TBC1D21: variants seen among roughly 807,000 people sequenced by gnomAD.
TBC1D21 encodes the protein TBC1 domain family member 21.
A neutral mutation model predicts 46.0 loss-of-function variants in TBC1D21; 38 were observed. The ratio of observed to expected loss-of-function variants is 0.83; its 90% CI spans 0.64 to 1.08. The LOEUF (loss-of-function observed/expected upper bound fraction) is 1.08. TBC1D21 is among the 50% of genes least tolerant of loss of function. TBC1D21 has a pLI of 0.00. For synonymous variants in TBC1D21, 151 were observed against 157.2 expected, an observed-to-expected ratio of 0.96 and a Z score of 0.29; for missense variants, 415 against 417.9, an observed-to-expected ratio of 0.99 and a Z score of 0.06.
At chr15:73,878,799 A>T (rs2068105294) in intron 1 of TBC1D21, among the ~76,000 whole-genome samples, 1 of 152,224 alleles carries the variant, frequency 6.6e-6, no homozygotes, top group Admixed American at 6.5e-5. Context: ...CTAAAGTTAA[A>T]GCATTTCCTT....
At position 73,873,765 on chromosome 15, in the gene TBC1D21, T is replaced by C. The variant is rs781101157; in HGVS notation, c.56T>C (p.Ile19Thr). ...SLSARQSASF[I>T]LVKRKPPIDK... ...TCTGCCAGACAGTCAGCCTCCTTCATCCTGGTGCGTGTTCTTTGTCAGCTC... is the reference window on the plus strand; with the variant it reads ...TCTGCCAGACAGTCAGCCTCCTTCACCCTGGTGCGTGTTCTTTGTCAGCTC... The change falls in exon 1 of 11, where the codon ATC becomes ACC. Residue 19 changes from isoleucine to threonine, a missense_variant. By Grantham distance (89) the Ile-to-Thr change is moderately conservative. Coordinates refer to ENST00000300504, the MANE Select transcript of TBC1D21 (RefSeq NM_153356.3). 3 of 1,609,978 alleles carry C rather than the reference T, an allele frequency of 1.9e-6. No homozygotes were observed. In the South Asian group the frequency reaches 3.3e-5, roughly 18 times the overall value.
Position 73,887,802 on chromosome 15 carries a change from A to T in TBC1D21, c.894+66A>T. On this transcript the variant is annotated intron_variant, in intron 9 of 10. Transcript: ENST00000300504. ...AGGCCCTGACACCCCACCCCACCCC[A>T]GCTGAAAGACCGGGGTTCATGGGGT... The T allele has an allele frequency of 9.4e-6, 13 of 1,390,024 alleles. 1 individual carries two copies. The South Asian group carries it at 1.5e-4, about 16-fold the overall frequency. The allele number at this position is 1,390,024 out of a possible 1,614,324, so 86.1% of individuals were successfully genotyped here. A position where few individuals can be genotyped will look rare whatever the true frequency, so the allele number is the denominator to read the frequency against.
At chr15:73,894,977 G>A in the TBC1D21 span, among the ~76,000 whole-genome samples, 1 of 152,236 alleles carries the variant, frequency 6.6e-6, no homozygotes, top group East Asian at 1.9e-4. Flanking sequence ...CAGAAATGAA[G>A]GAGGCTGGTG....
At chr15:73,879,532 A>G (rs980802394) in intron 1 of TBC1D21, among the ~76,000 whole-genome samples, 2 of 151,828 alleles carry the variant, frequency 1.3e-5, no homozygotes, top group Non-Finnish European at 2.9e-5. Flanking sequence ...TTGCCTTCTA[A>G]TACTTTACTA....
chr15:73,899,354 G>A, the TBC1D21 span, among the ~76,000 whole-genome samples: 1 of 152,276 alleles, frequency 6.6e-6, no homozygotes, highest in Non-Finnish European at 1.5e-5. Context: ...TCCCTCTAGA[G>A]GACAGAAGAA....
chr15:73,888,549 TTCCTCC>T (rs750420173), intron 10 of TBC1D21, 36 bp downstream of exon 10: 4 of 1,321,030 alleles, frequency 3.0e-6, no homozygotes, highest in Non-Finnish European at 4.0e-6. Flanking sequence ...CCTCCTCCTC[TTCCTCC>T]TCCTCCTCTT....
Position 73,886,155 on chromosome 15 carries a change from C to T in TBC1D21, c.657C>T (p.Pro219=), listed in dbSNP as rs150883737. The T allele has an allele frequency of 2.7e-5, 44 of 1,614,070 alleles. No individual in the cohort carries two copies. The African/African-American group carries it at 3.7e-4, about 14-fold the overall frequency. Residue 219 remains proline (P), a synonymous_variant, in exon 7 of 11, where the codon CCC becomes CCT. Coordinates refer to ENST00000300504, the MANE Select transcript of TBC1D21 (RefSeq NM_153356.3). ...GCACCCTGATCACCTTCCTGGACCC[C>T]GTGTTTGCTGAGCACCTAAGTGAGT... is the stretch of plus-strand genomic sequence containing the variant. ...MLSTLITFLD[P]VFAEHLKGKG... is the part of the protein sequence containing the mutation.
chr15:73,879,388 GT>G (rs566138315), intron 1 of TBC1D21, among the ~76,000 whole-genome samples: 5 of 150,612 alleles, frequency 3.3e-5, no homozygotes, highest in African/African-American at 9.8e-5. Flanking sequence ...TTTGTTTTTT[GT>G]TTTTTTTTAG....
the TBC1D21 span, among the ~76,000 whole-genome samples, chr15:73,909,346 G>A: frequency 6.7e-6 from 1 of 149,782 alleles, no homozygotes; most frequent in Middle Eastern, 3.4e-3. Flanking sequence ...ACTCCAGCCT[G>A]GGCGACACAG....
the TBC1D21 span, among the ~76,000 whole-genome samples, chr15:73,904,886 T>C: frequency 6.6e-6 from 1 of 150,872 alleles, no homozygotes; most frequent in South Asian, 2.1e-4. Flanking sequence ...GAAGACAGAG[T>C]GAGACAGCAA....
chr15:73,885,108 G>C lies in TBC1D21; in HGVS notation c.579+5G>C. 1.2e-6 allele frequency: 2 copies of C among 1,611,126 alleles called. No individual in the cohort carries two copies. Among genetic ancestry groups the C allele is most frequent in the Non-Finnish European group, 1.7e-6 (2 of 1,179,802 alleles). ...CAGTTCTTCCTGCAGAAAACGGTGA[G>C]GGCAAGGCCTGAGCTCAGGGACGCC... On this transcript the variant is annotated splice_donor_5th_base_variant and intron_variant, in intron 6 of 10. Coordinates refer to ENST00000300504, the MANE Select transcript of TBC1D21 (RefSeq NM_153356.3).
At chr15:73,886,890 G>A (rs908323052) in intron 8 of TBC1D21, among the ~76,000 whole-genome samples, 4 of 152,190 alleles carry the variant, frequency 2.6e-5, no homozygotes, top group African/African-American at 9.7e-5. Context: ...GCCTGGGCCT[G>A]CAGCTCCACT....
chr15:73,877,837 G>A (rs1340710790), intron 1 of TBC1D21, among the ~76,000 whole-genome samples: 1 of 152,198 alleles, frequency 6.6e-6, no homozygotes, highest in African/African-American at 2.4e-5. Flanking sequence ...TTCAACAGAT[G>A]CAGAACATTA....
intron 3 of TBC1D21, 106 bp downstream of exon 3, chr15:73,881,853 C>T (rs138487479): frequency 5.8e-5 from 59 of 1,016,250 alleles, no homozygotes; most frequent in Non-Finnish European, 7.4e-5. Flanking sequence ...CTTCTTATTC[C>T]GAGAGGAACC....
At chr15:73,891,279 G>A (rs1263455226), downstream of TBC1D21, among the ~76,000 whole-genome samples, 1 of 152,222 alleles carries the variant, frequency 6.6e-6, no homozygotes, top group East Asian at 1.9e-4. Context: ...ACTACAGGAA[G>A]CATTGAAATC....
chr15:73,900,498 T>A, the TBC1D21 span, among the ~76,000 whole-genome samples: 2 of 152,138 alleles, frequency 1.3e-5, no homozygotes, highest in African/African-American at 4.8e-5. Context: ...CCTGTCCTGC[T>A]TTCTCCTTCT....
chr15:73,885,166 T>C lies in TBC1D21; in HGVS notation c.579+63T>C, dbSNP rs1242916119. 4.4e-5 allele frequency: 63 copies of C among 1,446,936 alleles called. No homozygotes were observed. In the South Asian group the frequency reaches 5.8e-4, roughly 13 times the overall value. 89.6% of individuals were successfully genotyped at this position (1,446,936 alleles called of 1,614,324 possible). Reference sequence around the variant, plus strand: ...AACCCCCCACTACTCCCCAAACAACTCTTTGAGGATGGGCAGGCATTGGCC... The same window carrying C: ...AACCCCCCACTACTCCCCAAACAACCCTTTGAGGATGGGCAGGCATTGGCC... On this transcript the variant is annotated intron_variant, in intron 6 of 10. Coordinates refer to ENST00000300504, the MANE Select transcript of TBC1D21 (RefSeq NM_153356.3).
chr15:73,898,880 A>AAAAATATATATAT, the TBC1D21 span, among the ~76,000 whole-genome samples: 14 of 56,772 alleles, frequency 2.5e-4, no homozygotes, highest in African/African-American at 5.9e-4. Flanking sequence ...AAAAAAAAAA[A>AAAAATATATATAT]ATATATATAT....
At position 73,889,126 on chromosome 15, in the gene TBC1D21, G is replaced by C; in HGVS notation, c.*25G>C. 6.2e-7 allele frequency: 1 copy of C among 1,609,966 alleles called. No homozygotes were observed. Among genetic ancestry groups the C allele is most frequent in the Non-Finnish European group, 8.5e-7 (1 of 1,177,932 alleles). ...AGGACACCAAAGCCCGCAGTGGACTGATGCCTTCGATGGGCAGGATGAAGG... is the reference window on the plus strand; with the variant it reads ...AGGACACCAAAGCCCGCAGTGGACTCATGCCTTCGATGGGCAGGATGAAGG... On this transcript the variant is annotated 3_prime_UTR_variant, in exon 11 of 11. Coordinates refer to ENST00000300504, the MANE Select transcript of TBC1D21 (RefSeq NM_153356.3).
Sources: gnomAD v4.1 joint callset for allele counts (sites outside exome capture counted in the v4.1 genomes callset) on GRCh38, gnomAD v4.1.1 for gene constraint, MANE v1.5 for transcripts, NCBI Gene and HGNC (gene_info 2026-07-23, HGNC 2026-07-21) for gene names.